The following TCF12 variants were observed in gnomAD, a reference collection of about 807,000 sequenced individuals.
TCF12 encodes transcription factor 12.
In TCF12, 45 loss-of-function variants were observed where a neutral mutation model predicts 86.0. That is an observed-to-expected ratio of 0.52 (90% confidence interval 0.41 to 0.67). TCF12 has a LOEUF of 0.67. TCF12 is among the 30% of genes least tolerant of loss of function. The probability of loss-of-function intolerance (pLI) is 0.00; values close to 1 mark genes in which losing one functional copy is unlikely to be tolerated. For missense variants in TCF12, 881 were observed against 859.9 expected (o/e 1.02, Z -0.31); for synonymous variants, 330 against 299.6 (o/e 1.10, Z -1.05).
At chr15:56,922,574 T>C (rs2059840513) in intron 3 of TCF12, among the ~76,000 whole-genome samples, 1 of 151,976 alleles carries the variant, frequency 6.6e-6, no homozygotes, top group African/African-American at 2.4e-5. Context: ...AAAGAAAAAA[T>C]TATTTTTCTA....
intron 8 of TCF12, among the ~76,000 whole-genome samples, chr15:57,222,853 G>A (rs1471237710): frequency 8.1e-6 from 1 of 123,532 alleles, no homozygotes; most frequent in African/African-American, 3.2e-5. Flanking sequence ...ATTTTTCTTA[G>A]TTTTGGGACT....
chr15:57,023,039 G>C (rs2065592952), intron 3 of TCF12, among the ~76,000 whole-genome samples: 1 of 152,030 alleles, frequency 6.6e-6, no homozygotes, highest in South Asian at 2.1e-4. Context: ...TGTTTCTGTT[G>C]TATAAGAGAC....
chr15:57,129,423 G>A (rs558767273), intron 5 of TCF12, among the ~76,000 whole-genome samples: 5 of 152,226 alleles, frequency 3.3e-5, no homozygotes, highest in African/African-American at 7.2e-5. Flanking sequence ...TTAGTGGCAC[G>A]CACCTGTAGT....
At chr15:57,230,495 G>C (rs1566951406) in intron 8 of TCF12, among the ~76,000 whole-genome samples, 1 of 151,980 alleles carries the variant, frequency 6.6e-6, no homozygotes, top group African/African-American at 2.4e-5. Context: ...TTTATAGTTT[G>C]CTTATCTAAA....
intron 3 of TCF12, among the ~76,000 whole-genome samples, chr15:56,989,501 C>T (rs759943450): frequency 2.0e-5 from 3 of 152,126 alleles, no homozygotes; most frequent in Non-Finnish European, 4.4e-5. Flanking sequence ...AGTTTGCAAA[C>T]CTTTGCTTTA....
At chr15:57,113,718 T>C (rs1171864532) in intron 5 of TCF12, among the ~76,000 whole-genome samples, 1 of 151,412 alleles carries the variant, frequency 6.6e-6, no homozygotes, top group African/African-American at 2.4e-5. Context: ...ATCAGGAGTA[T>C]TGTTTGAGAC....
intron 5 of TCF12, among the ~76,000 whole-genome samples, chr15:57,144,570 T>A (rs1449443439): frequency 6.6e-6 from 1 of 152,152 alleles, no homozygotes; most frequent in Non-Finnish European, 1.5e-5. Context: ...ATTGGGTAAG[T>A]CAAATCATCA....
At chr15:57,270,920 C>G (rs896444679) in intron 18 of TCF12, among the ~76,000 whole-genome samples, 2 of 152,176 alleles carry the variant, frequency 1.3e-5, no homozygotes, top group Admixed American at 6.5e-5. Context: ...ATATTGCTGC[C>G]TGATCCTTCC....
At chr15:56,964,512 C>A (rs1268713421) in intron 3 of TCF12, among the ~76,000 whole-genome samples, 5 of 152,118 alleles carry the variant, frequency 3.3e-5, no homozygotes, top group African/African-American at 1.2e-4. Flanking sequence ...GTATCTCCTG[C>A]CTGGCATGTC....
chr15:57,026,150 C>T (rs2065813581), intron 3 of TCF12, among the ~76,000 whole-genome samples: 1 of 152,182 alleles, frequency 6.6e-6, no homozygotes, highest in Non-Finnish European at 1.5e-5. Context: ...CCACTTAACT[C>T]TGCAGTTGTA....
At chr15:56,930,817 A>G (rs1293120213) in intron 3 of TCF12, among the ~76,000 whole-genome samples, 1 of 152,186 alleles carries the variant, frequency 6.6e-6, no homozygotes, top group Non-Finnish European at 1.5e-5. Flanking sequence ...TCTCAACCAC[A>G]GTTAACTTCA....
intron 12 of TCF12, among the ~76,000 whole-genome samples, chr15:57,234,885 A>G (rs1489597677): frequency 3.3e-5 from 5 of 152,202 alleles, no homozygotes; most frequent in Non-Finnish European, 7.3e-5. Context: ...TATGCCTCTT[A>G]GAATTCCCAC....
At position 57,223,643 on chromosome 15, in the gene TCF12, G is replaced by GTTTTTTGTTTTTTGTT. The variant is rs1456806093; in HGVS notation, c.580-7503_580-7502insGTTTTTTGTTTTTTTT. On this transcript the variant is annotated intron_variant, in intron 8 of 20. Coordinates refer to ENST00000333725, the MANE Select transcript of TCF12 (RefSeq NM_207037.2). ...GTTTTGGCACCTGCCTACCAATGAG[G>GTTTTTTGTTTTTTGTT]TTTTTTTTTTTTTTTTTTTTTTTTT... 7.6e-4 allele frequency among the ~76,000 whole-genome samples: 53 copies of GTTTTTTGTTTTTTGTT among 69,684 alleles called. 1 individual carries two copies. Among genetic ancestry groups the GTTTTTTGTTTTTTGTT allele is most frequent in the African/African-American group, 2.4e-3 (50 of 20,450 alleles). The allele number at this position is 69,684 out of a possible 152,430, so 45.7% of individuals were successfully genotyped here. A position where few individuals can be genotyped will look rare whatever the true frequency, so the allele number is the denominator to read the frequency against.
intron 14 of TCF12, 24 bp from the exon 15 acceptor site, chr15:57,252,397 C>T: frequency 1.2e-6 from 2 of 1,605,656 alleles, no homozygotes; most frequent in Non-Finnish European, 1.7e-6. Context: ...TGCTTTGCCT[C>T]CTGTTCTGTC....
At chr15:57,062,466 A>G (rs2068531483) in intron 3 of TCF12, among the ~76,000 whole-genome samples, 1 of 152,104 alleles carries the variant, frequency 6.6e-6, no homozygotes, top group Non-Finnish European at 1.5e-5. Context: ...AGTTATTAAA[A>G]TATACTTTAG....
intron 3 of TCF12, among the ~76,000 whole-genome samples, chr15:56,941,122 T>A (rs1400065894): frequency 1.3e-5 from 2 of 151,652 alleles, no homozygotes; most frequent in African/African-American, 4.8e-5. Context: ...CCCAGCACTT[T>A]GGGAGGCTGA....
At chr15:56,939,772 T>G (rs2060642833) in intron 3 of TCF12, among the ~76,000 whole-genome samples, 1 of 152,098 alleles carries the variant, frequency 6.6e-6, no homozygotes, top group South Asian at 2.1e-4. Context: ...AAACTTACGT[T>G]GATTAGCTGA....
At chr15:57,087,061 GTCTCCCTCTC>G (rs201978581) in intron 4 of TCF12, among the ~76,000 whole-genome samples, 4,913 of 142,898 alleles carry the variant, frequency 0.034, 213 homozygotes, top group Admixed American at 0.13. Flanking sequence ...GTCTCCCTCT[GTCTCCCTCTC>G]TCTCCCTCTG....
Position 57,142,105 on chromosome 15 carries a change from C to T in TCF12, c.326-24297C>T, listed in dbSNP as rs912547827. Among the ~76,000 whole-genome samples the T allele has an allele frequency of 1.1e-4, 16 of 152,122 alleles. No homozygotes were observed. In the East Asian group the frequency reaches 1.5e-3, roughly 15 times the overall value. On this transcript the variant is annotated intron_variant, in intron 5 of 20. Coordinates refer to ENST00000333725, the MANE Select transcript of TCF12 (RefSeq NM_207037.2). ...GAGCTTCTGTGCAGTAGAGCATCCA[C>T]ACAGAAGGGTGCAGGATGCAGCAGC...
Sources: gnomAD v4.1 joint callset for allele counts (sites outside exome capture counted in the v4.1 genomes callset) on GRCh38, gnomAD v4.1.1 for gene constraint, MANE v1.5 for transcripts, NCBI Gene and HGNC (gene_info 2026-07-23, HGNC 2026-07-21) for gene names.